QTGAL: variants seen among roughly 807,000 people sequenced by gnomAD.
The protein encoded by QTGAL is queuosine-tRNA galactosyltransferase.
chr17:82,946,634 A>C, the QTGAL span, among the ~76,000 whole-genome samples: 3 of 149,232 alleles, frequency 2.0e-5, no homozygotes, highest in African/African-American at 7.3e-5. Flanking sequence ...TAAAAGAAAT[A>C]ATGAAAATTA....
the QTGAL span, among the ~76,000 whole-genome samples, chr17:82,991,478 T>C: frequency 6.6e-6 from 1 of 152,212 alleles, no homozygotes; most frequent in Non-Finnish European, 1.5e-5. Context: ...TGGTCCTCCT[T>C]GCCTTCTGCC....
At chr17:82,964,475 G>T in the QTGAL span, among the ~76,000 whole-genome samples, 1 of 152,326 alleles carries the variant, frequency 6.6e-6, no homozygotes, top group South Asian at 2.1e-4. Flanking sequence ...AATAGACATA[G>T]CTAGTATTTA....
the QTGAL span, among the ~76,000 whole-genome samples, chr17:83,000,068 T>C: frequency 6.6e-6 from 1 of 152,152 alleles, no homozygotes; most frequent in African/African-American, 2.4e-5. Context: ...GTTCAAGCGA[T>C]TCTCCTGCCT....
At chr17:82,948,260 A>T in the QTGAL span, 44 of 152,108 alleles carry the variant, frequency 2.9e-4, no homozygotes, top group African/African-American at 1.0e-3. Flanking sequence ...CTGGCGACCA[A>T]GTGCCCAGCC....
the QTGAL span, among the ~76,000 whole-genome samples, chr17:82,978,295 T>C: frequency 9.2e-5 from 14 of 152,138 alleles, 1 homozygote; most frequent in Admixed American, 2.6e-4. The surrounding 1 kb of genome is among the most constrained non-coding windows in gnomAD (Gnocchi z 4.8). Context: ...AGGGACTGGC[T>C]CCAGCAAAGC....
chr17:82,958,860 GGTGT>G, the QTGAL span, among the ~76,000 whole-genome samples: 10 of 75,360 alleles, frequency 1.3e-4, 1 homozygote, highest in Non-Finnish European at 1.4e-4. Context: ...GGGGGTGTAT[GGTGT>G]GTGTGTGTGT....
At chr17:82,969,172 T>G in the QTGAL span, among the ~76,000 whole-genome samples, 4 of 152,014 alleles carry the variant, frequency 2.6e-5, no homozygotes, top group Non-Finnish European at 5.9e-5. Flanking sequence ...TATTTTGTTT[T>G]GTTTTGAGAC....
chr17:83,050,829 T>G, the QTGAL span, among the ~76,000 whole-genome samples: 1 of 147,976 alleles, frequency 6.8e-6, no homozygotes, highest in African/African-American at 2.5e-5. Flanking sequence ...GGTAGGTGTG[T>G]GGGATGCGCA....
the QTGAL span, among the ~76,000 whole-genome samples, chr17:82,969,867 A>G: frequency 6.6e-6 from 1 of 152,012 alleles, no homozygotes; most frequent in Non-Finnish European, 1.5e-5. Flanking sequence ...TTTTGTTGAG[A>G]TGGGGTTTCA....
the QTGAL span, among the ~76,000 whole-genome samples, chr17:83,019,173 T>C: frequency 2.0e-5 from 3 of 152,004 alleles, no homozygotes; most frequent in African/African-American, 4.8e-5. Flanking sequence ...CGGGGATTGA[T>C]CCTGACCACC....
the QTGAL span, chr17:83,035,162 A>T: frequency 7.2e-7 from 1 of 1,379,756 alleles, no homozygotes; most frequent in Non-Finnish European, 1.0e-6. Flanking sequence ...TCTCTTTCAT[A>T]GAGCTTAGTA....
the QTGAL span, among the ~76,000 whole-genome samples, chr17:83,033,625 C>A: frequency 6.6e-6 from 1 of 151,814 alleles, no homozygotes; most frequent in Non-Finnish European, 1.5e-5. Flanking sequence ...GCGCCCACCA[C>A]CACGCCCAGC....
chr17:83,005,013 G>T, the QTGAL span: 2 of 932,628 alleles, frequency 2.1e-6, no homozygotes, highest in Non-Finnish European at 3.2e-6. This position sits in a 1 kb window ranked among gnomAD's most constrained non-coding sequence, Gnocchi z 5.6. Flanking sequence ...GAAGGACCAC[G>T]GCCCACGACG....
chr17:83,035,082 G>C, the QTGAL span: 1 of 1,612,068 alleles, frequency 6.2e-7, no homozygotes, highest in Admixed American at 1.7e-5. Context: ...GCAACTGCTT[G>C]ATTTTTAGCG....
the QTGAL span, among the ~76,000 whole-genome samples, chr17:82,998,240 G>A: frequency 0.027 from 4,063 of 151,926 alleles, 85 homozygotes; most frequent in Middle Eastern, 0.061. Flanking sequence ...ATAAATATAC[G>A]TACTTACTAT....
the QTGAL span, among the ~76,000 whole-genome samples, chr17:83,018,518 C>T: frequency 8.5e-5 from 13 of 152,206 alleles, no homozygotes; most frequent in South Asian, 2.1e-4. Context: ...CTAATATTAT[C>T]TCTATTTTGT....
the QTGAL span, among the ~76,000 whole-genome samples, chr17:82,977,500 CTTTT>C: frequency 8.1e-6 from 1 of 123,532 alleles, no homozygotes; most frequent in African/African-American, 3.5e-5. Context: ...CAAAAAAAAA[CTTTT>C]CTTTGTTTAA....
chr17:83,031,534 G>T, the QTGAL span, among the ~76,000 whole-genome samples: 1 of 152,182 alleles, frequency 6.6e-6, no homozygotes, highest in Admixed American at 6.5e-5. Context: ...AGGGCTCTGC[G>T]AGGACTCACC....
chr17:83,046,339 G>A, the QTGAL span, among the ~76,000 whole-genome samples: 1 of 152,222 alleles, frequency 6.6e-6, no homozygotes, highest in African/African-American at 2.4e-5. Context: ...GTTTCACCAT[G>A]TTGGCCAGGC....
Sources: allele counts gnomAD v4.1 joint callset (sites outside exome capture counted in the v4.1 genomes callset), GRCh38; gene constraint gnomAD v4.1.1; non-coding constraint Gnocchi (gnomAD v3.1); transcripts MANE v1.5; gene names NCBI Gene and HGNC (gene_info 2026-07-23, HGNC 2026-07-21).